The following PPFIA2 variants were observed in gnomAD, a reference collection of about 807,000 sequenced individuals.
PPFIA2 encodes the protein liprin-alpha-2.
PPFIA2 carries 46 observed loss-of-function variants against 175.5 expected under a neutral mutation model. The observed-to-expected ratio is 0.26, with a 90% CI of 0.21 to 0.34. The LOEUF (loss-of-function observed/expected upper bound fraction) is 0.34, where lower values mean the gene tolerates loss of function less well. Ranked by LOEUF, PPFIA2 falls within the 10% of genes least tolerant of loss-of-function variation. The pLI, the probability that PPFIA2 is intolerant of heterozygous loss-of-function variation, is 1.00. For synonymous variants in PPFIA2, 568 were observed against 511.4 expected (o/e 1.11, Z -1.49); for missense variants, 1,179 against 1,506.1 (o/e 0.78, Z 3.60).
intron 7 of PPFIA2, 88 bp from the exon 8 acceptor site, chr12:81,405,991 C>CTAA: frequency 1.6e-6 from 1 of 636,672 alleles, no homozygotes; most frequent in East Asian, 3.0e-5. Context: ...TGGTTAAGAA[C>CTAA]TAATGAACAC....
chr12:81,450,919 A>G (rs1291541731), intron 5 of PPFIA2, among the ~76,000 whole-genome samples: 1 of 152,198 alleles, frequency 6.6e-6, no homozygotes, highest in Non-Finnish European at 1.5e-5. Context: ...TAGGAATTCT[A>G]TCATCCTGGA....
At chr12:81,472,269 A>C (rs2056856596) in intron 4 of PPFIA2, among the ~76,000 whole-genome samples, 2 of 152,182 alleles carry the variant, frequency 1.3e-5, no homozygotes, top group Admixed American at 1.3e-4. Flanking sequence ...AAAATATTCC[A>C]AAATTAATTG....
At chr12:81,422,707 T>A (rs1220847392) in intron 7 of PPFIA2, among the ~76,000 whole-genome samples, 2 of 151,968 alleles carry the variant, frequency 1.3e-5, no homozygotes, top group African/African-American at 4.8e-5. Flanking sequence ...CCTACCCCCA[T>A]GATAAAATTA....
chr12:81,507,368 T>C (rs2061288360), intron 4 of PPFIA2, among the ~76,000 whole-genome samples: 1 of 152,218 alleles, frequency 6.6e-6, no homozygotes, highest in African/African-American at 2.4e-5. Flanking sequence ...TTTCAATCTA[T>C]ATCTTATGAG....
chr12:81,445,474 G>A (rs1566863960), intron 6 of PPFIA2, 82 bp downstream of exon 6: 1 of 1,347,034 alleles, frequency 7.4e-7, no homozygotes, highest in Non-Finnish European at 1.0e-6. Flanking sequence ...TTAGGAGTCA[G>A]GTGAGTCAAT....
intron 4 of PPFIA2, among the ~76,000 whole-genome samples, chr12:81,462,570 G>GTATATATATATATACATATATATATATA: frequency 1.3e-5 from 1 of 74,188 alleles, no homozygotes; most frequent in East Asian, 4.1e-4. Flanking sequence ...ATATATATGT[G>GTATATATATATATACATATATATATATA]TATATATATA....
At chr12:81,716,007 T>G (rs2078568164) in intron 3 of PPFIA2, among the ~76,000 whole-genome samples, 1 of 151,420 alleles carries the variant, frequency 6.6e-6, no homozygotes, top group South Asian at 2.1e-4. Context: ...TTTAATATAT[T>G]TATTGAGTAA....
chr12:81,528,485 G>T (rs2064022460), intron 4 of PPFIA2, among the ~76,000 whole-genome samples: 1 of 151,996 alleles, frequency 6.6e-6, no homozygotes. Context: ...CTAACTTCTA[G>T]GTATGAGGGG....
Position 81,353,261 on chromosome 12 carries a change from T to C in PPFIA2, c.1852A>G (p.Thr618Ala), listed in dbSNP as rs1209744122. The C allele has an allele frequency of 6.2e-7, 1 of 1,613,676 alleles. No homozygotes were observed. Residue 618 changes from threonine to alanine, a missense_variant, in exon 17 of 33, where the codon ACT (threonine) becomes GCT (alanine). Transcript: ENST00000549396. ...TCATCATCAATATCAGACATTTCAG[T>C]GTCACTTTCAAAAGGGTGGCTGCTT... ...VLSSHPFESD[T>A]EMSDIDDDDR...
chr12:81,747,008 G>C (rs1568113579), intron 3 of PPFIA2, among the ~76,000 whole-genome samples: 1 of 143,572 alleles, frequency 7.0e-6, no homozygotes, highest in African/African-American at 2.4e-5. Context: ...GCAAAATATT[G>C]GTGACATATA....
intron 3 of PPFIA2, among the ~76,000 whole-genome samples, chr12:81,705,675 C>T (rs766274142): frequency 5.9e-5 from 9 of 152,012 alleles, no homozygotes; most frequent in Non-Finnish European, 1.2e-4. Context: ...CACACAGAGC[C>T]AAAGACCCTT....
At chr12:81,453,339 A>G (rs2145636796) in intron 5 of PPFIA2, among the ~76,000 whole-genome samples, 1 of 152,126 alleles carries the variant, frequency 6.6e-6, no homozygotes, top group Non-Finnish European at 1.5e-5. Context: ...CCGACAATAA[A>G]AATGTTCTTC....
intron 5 of PPFIA2, among the ~76,000 whole-genome samples, chr12:81,450,272 C>T (rs2052282569): frequency 6.6e-6 from 1 of 152,170 alleles, no homozygotes. Flanking sequence ...CAAAAGTGTT[C>T]CTATTTCTCC....
intron 4 of PPFIA2, among the ~76,000 whole-genome samples, chr12:81,658,373 G>A (rs1281824705): frequency 3.3e-5 from 5 of 150,856 alleles, no homozygotes; most frequent in African/African-American, 4.9e-5. Context: ...TTTTTATAAA[G>A]TGCTAAGAAT....
intron 3 of PPFIA2, among the ~76,000 whole-genome samples, chr12:81,721,593 G>A (rs1426159068): frequency 1.3e-5 from 2 of 151,220 alleles, no homozygotes; most frequent in Non-Finnish European, 3.0e-5. Flanking sequence ...AAAGCATAAA[G>A]CTTATCCCCC....
chr12:81,555,238 T>C lies in PPFIA2; in HGVS notation c.304-97372A>G, dbSNP rs73360696. 8.7e-3 allele frequency among the ~76,000 whole-genome samples: 1,317 copies of C among 152,134 alleles called. 14 individuals carry two copies. The highest frequency in any genetic ancestry group is 0.03 in the African/African-American group (1,250 of 41,544). On this transcript the variant is annotated intron_variant, in intron 4 of 32. Coordinates refer to ENST00000549396, the MANE Select transcript of PPFIA2 (RefSeq NM_003625.5). ...ATTTGACAACCTTTTTAATAGTCTT[T>C]CTAATATCCCATATTATATGTTGTA...
In PPFIA2 at chr12:81,375,901, G is replaced by A; in HGVS notation, c.1026C>T (p.Thr342=). 6.2e-7 allele frequency: 1 copy of A among 1,613,096 alleles called. No individual in the cohort carries two copies. Among genetic ancestry groups the A allele is most frequent in the South Asian group, 1.1e-5 (1 of 91,066 alleles). The change falls in exon 10 of 33, where the codon ACC becomes ACT. Residue 342 remains threonine (T), a synonymous_variant. Coordinates refer to ENST00000549396, the MANE Select transcript of PPFIA2 (RefSeq NM_003625.5). ...QKEDMEERIT[T]LEKRYLSAQR... ...GAGCACTGAGGTAACGCTTTTCAAGGGTTGTAATTCTTTCTTCCATATCTT... is the reference window on the plus strand; with the variant it reads ...GAGCACTGAGGTAACGCTTTTCAAGAGTTGTAATTCTTTCTTCCATATCTT...
intron 6 of PPFIA2, among the ~76,000 whole-genome samples, chr12:81,441,587 T>C (rs1417132485): frequency 2.6e-5 from 4 of 152,218 alleles, no homozygotes; most frequent in African/African-American, 7.2e-5. Context: ...ACTAGTTACA[T>C]AGCAGGAAAT....
intron 4 of PPFIA2, among the ~76,000 whole-genome samples, chr12:81,648,233 A>C (rs990059608): frequency 6.6e-6 from 1 of 151,952 alleles, no homozygotes; most frequent in South Asian, 2.1e-4. Context: ...TCATACATAC[A>C]AAAAAACTTT....
Sources: gnomAD v4.1 joint callset for allele counts (sites outside exome capture counted in the v4.1 genomes callset) on GRCh38, gnomAD v4.1.1 for gene constraint, MANE v1.5 for transcripts, NCBI Gene and HGNC (gene_info 2026-07-23, HGNC 2026-07-21) for gene names.